The following DNAJC10 variants were observed in gnomAD, a reference collection of about 807,000 sequenced individuals.
DNAJC10 encodes the protein endoplasmic reticulum disulfide reductase DNAJC10.
In DNAJC10, 101 loss-of-function variants were observed where a neutral mutation model predicts 115.0. The observed-to-expected ratio is 0.88, with a 90% CI of 0.75 to 1.04. The LOEUF is 1.04. Among genes scored for constraint, DNAJC10 ranks in the 50% least tolerant of loss-of-function variants. DNAJC10 has a pLI of 0.00. For missense variants in DNAJC10, 981 were observed against 928.8 expected, an observed-to-expected ratio of 1.06 and a Z score of -0.73; for synonymous variants, 307 against 301.5, an observed-to-expected ratio of 1.02 and a Z score of -0.19.
At chr2:182,767,717 C>T (rs1305835034) in intron 22 of DNAJC10, among the ~76,000 whole-genome samples, 5 of 152,122 alleles carry the variant, frequency 3.3e-5, no homozygotes, top group Admixed American at 2.0e-4. Flanking sequence ...CAGCATCATC[C>T]GTCCACCAAG....
At position 182,757,716 on chromosome 2, in the gene DNAJC10, G is replaced by A; in HGVS notation, c.1834G>A (p.Gly612Ser). 6.3e-7 allele frequency: 1 copy of A among 1,593,148 alleles called. No individual in the cohort carries two copies. The highest frequency in any genetic ancestry group is 1.2e-5 in the South Asian group (1 of 86,088). ...GACATTAACTGGACTGATCAACGTG[G>A]GCAGTATAGATTGCCAACAGTATCA... is the stretch of plus-strand genomic sequence containing the variant. Reference protein sequence around the residue: ...ARTLTGLINVGSIDCQQYHSF... With the variant: ...ARTLTGLINVSSIDCQQYHSF... The change falls in exon 19 of 24, where the codon GGC becomes AGC. Residue 612 changes from glycine (G) to serine (S), a missense_variant. Coordinates refer to ENST00000264065, the MANE Select transcript of DNAJC10 (RefSeq NM_018981.4).
chr2:182,772,099 G>C (rs1686348255), intron 22 of DNAJC10, among the ~76,000 whole-genome samples: 1 of 152,190 alleles, frequency 6.6e-6, no homozygotes, highest in African/African-American at 2.4e-5. Flanking sequence ...TTCAGGAGTA[G>C]GTTGTTCAGT....
At position 182,788,709 on chromosome 2, in the gene DNAJC10, T is replaced by TA; in HGVS notation, c.*11578dup. ...TCCCACAGCACAAGTAACGTCTATT[T>TA]ATCTCAGAGGAAATCCAGGGAAGTT... On this transcript the variant is annotated 3_prime_UTR_variant, in exon 24 of 24. Transcript: ENST00000264065. 2.4e-6 allele frequency: 1 copy of TA among 422,170 alleles called. No individual in the cohort carries two copies. The highest frequency in any genetic ancestry group is 2.9e-5 in the Admixed American group (1 of 34,254). 26.2% of individuals were successfully genotyped at this position (422,170 alleles called of 1,614,324 possible).
At chr2:182,758,991 A>C in intron 20 of DNAJC10, 101 bp downstream of exon 20, 3 of 1,125,220 alleles carry the variant, frequency 2.7e-6, no homozygotes, top group Non-Finnish European at 3.9e-6. Flanking sequence ...AGGTTCTAGC[A>C]TTTTAAATTA....
intron 8 of DNAJC10, chr2:182,730,468 G>A (rs1052564754): frequency 9.9e-6 from 4 of 405,060 alleles, no homozygotes; most frequent in African/African-American, 6.3e-5. Context: ...CCTGCCATCA[G>A]TGACTTCATT....
chr2:182,764,592 A>G (rs1016103703), intron 22 of DNAJC10, among the ~76,000 whole-genome samples: 10 of 152,150 alleles, frequency 6.6e-5, no homozygotes, highest in African/African-American at 2.2e-4. Context: ...TAGCATACCA[A>G]CTACTGGAAG....
chr2:182,760,021 C>T (rs1214659540), intron 21 of DNAJC10, among the ~76,000 whole-genome samples: 1 of 152,148 alleles, frequency 6.6e-6, no homozygotes, highest in Non-Finnish European at 1.5e-5. Context: ...AAATATTTCC[C>T]TCTCTGACTT....
At position 182,751,328 on chromosome 2, in the gene DNAJC10, G is replaced by T. The variant is rs566948261; in HGVS notation, c.1307-330G>T. ...TTTTGTATTTTTAGTAGAGACGGGG[G>T]TTTCACCATGTTGGCCAGGATGGTC... On this transcript the variant is annotated intron_variant, in intron 14 of 23. Coordinates refer to ENST00000264065, the MANE Select transcript of DNAJC10 (RefSeq NM_018981.4). 5.3e-5 allele frequency among the ~76,000 whole-genome samples: 8 copies of T among 151,772 alleles called. No individual in the cohort carries two copies. In the South Asian group the frequency reaches 1.2e-3, roughly 24 times the overall value.
chr2:182,766,055 C>A (rs1445999529), intron 22 of DNAJC10, among the ~76,000 whole-genome samples: 1 of 152,128 alleles, frequency 6.6e-6, no homozygotes, highest in Admixed American at 6.6e-5. Flanking sequence ...TGCCAAATAG[C>A]ATTAGGCACC....
chr2:182,757,674 CTG>C lies in DNAJC10; in HGVS notation c.1810-16_1810-15del. ...ATATGTAAAAAGTTATGGAGGTAAT[CTG>C]TTTTTTCTTTTACAGACATTAACTG... On this transcript the variant is annotated splice_polypyrimidine_tract_variant and intron_variant, in intron 18 of 23. Transcript: ENST00000264065. 6.7e-7 allele frequency: 1 copy of C among 1,484,484 alleles called. No homozygotes were observed. The highest frequency in any genetic ancestry group is 9.0e-7 in the Non-Finnish European group (1 of 1,115,932). The allele number at this position is 1,484,484 out of a possible 1,614,324, so 92.0% of individuals were successfully genotyped here. A position where few individuals can be genotyped will look rare whatever the true frequency, so the allele number is the denominator to read the frequency against.
intron 11 of DNAJC10, among the ~76,000 whole-genome samples, chr2:182,737,647 A>G (rs1693617004): frequency 6.6e-6 from 1 of 152,184 alleles, no homozygotes; most frequent in Admixed American, 6.5e-5. Flanking sequence ...GTGTGTGTAC[A>G]TACTTACATA....
chr2:182,737,509 A>T (rs1041007863), intron 11 of DNAJC10, among the ~76,000 whole-genome samples: 1 of 152,188 alleles, frequency 6.6e-6, no homozygotes, highest in African/African-American at 2.4e-5. Flanking sequence ...TGCAATTACG[A>T]CTTTGTGCCA....
In DNAJC10 at chr2:182,755,581, C is replaced by T. The variant is rs146636234; in HGVS notation, c.1653+477C>T. Among the ~76,000 whole-genome samples, 99 of 152,154 alleles carry T rather than the reference C, an allele frequency of 6.5e-4. No homozygotes were observed. In the East Asian group the frequency reaches 0.017, roughly 26 times the overall value. On this transcript the variant is annotated intron_variant, in intron 17 of 23. Transcript: ENST00000264065. ...TACTCACCTGTTCCTCCTCCTCTGACGTAATGTTTTGTCTTGTTTTCCCAG... is the reference window on the plus strand; with the variant it reads ...TACTCACCTGTTCCTCCTCCTCTGATGTAATGTTTTGTCTTGTTTTCCCAG...
chr2:182,738,612 C>G (rs766302943), intron 11 of DNAJC10, among the ~76,000 whole-genome samples: 16 of 151,940 alleles, frequency 1.1e-4, no homozygotes, highest in Non-Finnish European at 1.9e-4. Flanking sequence ...GCGATCTCCA[C>G]TCACTGCAAG....
At position 182,728,659 on chromosome 2, in the gene DNAJC10, G is replaced by A; in HGVS notation, c.501+1G>A. Reference sequence around the variant, plus strand: ...ACACTGCCATGATTTAGCTCCCACAGTATGTATTTTTCACATCCTCATTAC... The same window carrying A: ...ACACTGCCATGATTTAGCTCCCACAATATGTATTTTTCACATCCTCATTAC... On this transcript the variant is annotated splice_donor_variant, in intron 6 of 23. Coordinates refer to ENST00000264065, the MANE Select transcript of DNAJC10 (RefSeq NM_018981.4). LOFTEE classifies it high-confidence loss of function. 1 of 1,609,742 alleles carries A rather than the reference G, an allele frequency of 6.2e-7. No homozygotes were observed.
chr2:182,753,317 AG>A (rs1403277823), intron 16 of DNAJC10, among the ~76,000 whole-genome samples: 2 of 152,134 alleles, frequency 1.3e-5, no homozygotes, highest in Non-Finnish European at 2.9e-5. Context: ...ACATAGATGG[AG>A]AAAAGATAAA....
In DNAJC10 at chr2:182,781,899, G is replaced by T. The variant is rs1372671636; in HGVS notation, c.*4767G>T. ...TGCAAAAAGTTTCTCCCATTCTGTA[G>T]GTTGCCTGTTCACTCTGATCATAGT... On this transcript the variant is annotated 3_prime_UTR_variant, in exon 24 of 24. Coordinates refer to ENST00000264065, the MANE Select transcript of DNAJC10 (RefSeq NM_018981.4). The T allele has an allele frequency of 6.6e-6, 1 of 152,116 alleles. No individual in the cohort carries two copies. Among genetic ancestry groups the T allele is most frequent in the Non-Finnish European group, 1.5e-5 (1 of 68,026 alleles). The allele number at this position is 152,116 out of a possible 1,614,324, so 9.4% of individuals were successfully genotyped here. A position where few individuals can be genotyped will look rare whatever the true frequency, so the allele number is the denominator to read the frequency against.
rs535474707 is a variant in DNAJC10 at position 182,730,243 on chromosome 2, T to A, written c.727+302T>A. 4.1e-4 allele frequency among the ~76,000 whole-genome samples: 62 copies of A among 152,330 alleles called. No individual in the cohort carries two copies. In the Middle Eastern group the frequency reaches 0.01, roughly 25 times the overall value. On this transcript the variant is annotated intron_variant, in intron 8 of 23. Coordinates refer to ENST00000264065, the MANE Select transcript of DNAJC10 (RefSeq NM_018981.4). ...TAATACAAGTGTTTTATTGCTTTTT[T>A]AAATATGCTTATCAATCAGTAAATT...
Position 182,791,426 on chromosome 2 carries a change from A to G in DNAJC10, c.*14294A>G, listed in dbSNP as rs1161356850. On this transcript the variant is annotated 3_prime_UTR_variant, in exon 24 of 24. Coordinates refer to ENST00000264065, the MANE Select transcript of DNAJC10 (RefSeq NM_018981.4). Reference sequence around the variant, plus strand: ...TGGGTTACTCTAAAATGAAATTTTAAAAGTATATAAACATCTTAAACTTTA... The same window carrying G: ...TGGGTTACTCTAAAATGAAATTTTAGAAGTATATAAACATCTTAAACTTTA... The G allele has an allele frequency of 2.0e-5, 3 of 152,360 alleles. No individual in the cohort carries two copies. Among genetic ancestry groups the G allele is most frequent in the East Asian group, 1.9e-4 (1 of 5,190 alleles). The allele number at this position is 152,360 out of a possible 1,614,324, so 9.4% of individuals were successfully genotyped here. A position where few individuals can be genotyped will look rare whatever the true frequency, so the allele number is the denominator to read the frequency against.
Sources: gnomAD v4.1 joint callset for allele counts (sites outside exome capture counted in the v4.1 genomes callset) on GRCh38, gnomAD v4.1.1 for gene constraint, MANE v1.5 for transcripts, NCBI Gene and HGNC (gene_info 2026-07-23, HGNC 2026-07-21) for gene names.